ADAMTS19: variants seen among roughly 807,000 people sequenced by gnomAD.
ADAMTS19 encodes ADAM metallopeptidase with thrombospondin type 1 motif 19, also known as A disintegrin and metalloproteinase with thrombospondin motifs 19.
In ADAMTS19, 93 loss-of-function variants were observed where a neutral mutation model predicts 153.3. The observed-to-expected ratio is 0.61, with a 90% CI of 0.51 to 0.72. ADAMTS19 has a LOEUF of 0.72. Among genes scored for constraint, ADAMTS19 ranks in the 30% least tolerant of loss-of-function variants. The probability of loss-of-function intolerance (pLI) is 0.00; values close to 1 mark genes in which losing one functional copy is unlikely to be tolerated. For missense variants in ADAMTS19, 1,482 were observed against 1,552.1 expected (o/e 0.95, Z 0.76); for synonymous variants, 600 against 556.6 (o/e 1.08, Z -1.10).
intron 18 of ADAMTS19, among the ~76,000 whole-genome samples, chr5:129,691,905 TG>T (rs903067187): frequency 6.6e-6 from 1 of 152,096 alleles, no homozygotes; most frequent in African/African-American, 2.4e-5. Context: ...TTTCTGAGGA[TG>T]GGGAAAAAAG....
chr5:129,507,998 T>C (rs1298347512), intron 2 of ADAMTS19, among the ~76,000 whole-genome samples: 1 of 151,980 alleles, frequency 6.6e-6, no homozygotes, highest in Non-Finnish European at 1.5e-5. Flanking sequence ...CTGCTATACT[T>C]CCAAAGAAAA....
intron 6 of ADAMTS19, among the ~76,000 whole-genome samples, chr5:129,543,811 C>A (rs1752750598): frequency 6.6e-6 from 1 of 152,152 alleles, no homozygotes; most frequent in South Asian, 2.1e-4. Context: ...AATACATCTT[C>A]CACTGATACT....
chr5:129,676,873 C>T (rs1754573960), intron 16 of ADAMTS19, among the ~76,000 whole-genome samples: 1 of 152,036 alleles, frequency 6.6e-6, no homozygotes, highest in Admixed American at 6.6e-5. Flanking sequence ...GTCAAAAATA[C>T]CAATTGAATC....
Position 129,704,294 on chromosome 5 carries a change from C to T in ADAMTS19, c.3215C>T (p.Pro1072Leu). The T allele has an allele frequency of 6.2e-7, 1 of 1,614,048 alleles. No individual in the cohort carries two copies. Among genetic ancestry groups the T allele is most frequent in the Non-Finnish European group, 8.5e-7 (1 of 1,179,968 alleles). The stretch of plus-strand genomic sequence containing the variant: ...CATCGGACCGTTAGATGTACCAACC[C>T]AAGAAAGAAGTGTGTCCTCTCTACC... ...IRHRTVRCTNPRKKCVLSTRP... is the reference protein window; with the variant it reads ...IRHRTVRCTNLRKKCVLSTRP... The change falls in exon 21 of 23, where the codon CCA becomes CTA. Residue 1072 changes from proline (P) to leucine (L), a missense_variant. Pro to Leu is a moderately conservative substitution (Grantham distance 98). Around this residue, in one of 2 missense-constraint regions of ADAMTS19, gnomAD observed 616 missense variants for 724.4 expected, o/e 0.85. Coordinates refer to ENST00000274487, the MANE Select transcript of ADAMTS19 (RefSeq NM_133638.6).
At chr5:129,726,306 A>G (rs1410790377) in intron 21 of ADAMTS19, among the ~76,000 whole-genome samples, 1 of 152,166 alleles carries the variant, frequency 6.6e-6, no homozygotes, top group African/African-American at 2.4e-5. Context: ...CTCTTTTTAA[A>G]ATACTCTAGT....
chr5:129,572,107 G>T (rs1753932561), intron 7 of ADAMTS19, among the ~76,000 whole-genome samples: 1 of 151,784 alleles, frequency 6.6e-6, no homozygotes, highest in Non-Finnish European at 1.5e-5. Flanking sequence ...GACACCAAAA[G>T]CTTGGTCCAT....
intron 7 of ADAMTS19, among the ~76,000 whole-genome samples, chr5:129,591,482 GGA>G (rs1347443585): frequency 6.6e-6 from 1 of 151,614 alleles, no homozygotes; most frequent in African/African-American, 2.4e-5. Context: ...TAGTAGAGAT[GGA>G]GTTTCACCAT....
At chr5:129,655,349 T>C (rs1753500066) in intron 14 of ADAMTS19, among the ~76,000 whole-genome samples, 1 of 152,170 alleles carries the variant, frequency 6.6e-6, no homozygotes, top group South Asian at 2.1e-4. Context: ...GGCTACAACC[T>C]TGGGGAAAGC....
intron 2 of ADAMTS19, among the ~76,000 whole-genome samples, chr5:129,486,302 T>C (rs551961969): frequency 6.6e-6 from 1 of 152,280 alleles, no homozygotes; most frequent in Admixed American, 6.5e-5. Context: ...ATCTACATTA[T>C]AATTCTACAT....
rs56060749 is a variant in ADAMTS19, at chr5:129,602,826, C to CTGTGTGTGTGTG, written c.1478+6182_1478+6193dup. ...TTTTTGTATTGTTGTCTTATATTCT[C>CTGTGTGTGTGTG]TGTGTGTGTGTGTGTGTGTGTGTGT... is the stretch of plus-strand genomic sequence containing the variant. On this transcript the variant is annotated intron_variant, in intron 8 of 22. Coordinates refer to ENST00000274487, the MANE Select transcript of ADAMTS19 (RefSeq NM_133638.6). 7.7e-3 allele frequency among the ~76,000 whole-genome samples: 1,136 copies of CTGTGTGTGTGTG among 146,688 alleles called. 10 individuals carry two copies. Among genetic ancestry groups the CTGTGTGTGTGTG allele is most frequent in the African/African-American group, 0.023 (903 of 39,982 alleles).
intron 8 of ADAMTS19, among the ~76,000 whole-genome samples, chr5:129,618,839 C>T (rs1751647826): frequency 6.6e-6 from 1 of 151,964 alleles, no homozygotes; most frequent in Non-Finnish European, 1.5e-5. Flanking sequence ...AGTACTAACC[C>T]TCATCCACAA....
intron 3 of ADAMTS19, 49 bp from the exon 4 acceptor site, chr5:129,526,235 C>A (rs778933116): frequency 9.7e-6 from 14 of 1,447,460 alleles, no homozygotes; most frequent in Non-Finnish European, 1.2e-5. Context: ...TAATATTATT[C>A]ACTTTGCCAA....
At chr5:129,735,176 T>C (rs1757613222) in intron 22 of ADAMTS19, 67 bp downstream of exon 22, 20 of 1,392,160 alleles carry the variant, frequency 1.4e-5, no homozygotes, top group Non-Finnish European at 1.9e-5. Context: ...TTGTATTTTG[T>C]ATATTACTTT....
intron 16 of ADAMTS19, among the ~76,000 whole-genome samples, chr5:129,665,925 C>CAT (rs1423435319): frequency 2.0e-5 from 3 of 147,500 alleles, no homozygotes; most frequent in Admixed American, 6.8e-5. Context: ...ATTTATTTCA[C>CAT]ATATATACAT....
At chr5:129,591,766 G>T (rs143961139) in intron 7 of ADAMTS19, among the ~76,000 whole-genome samples, 52 of 152,280 alleles carry the variant, frequency 3.4e-4, no homozygotes, top group Non-Finnish European at 5.4e-4. Flanking sequence ...TGTACCAAGA[G>T]TGCCTGGATT....
At chr5:129,648,713 A>T in intron 12 of ADAMTS19, 85 bp from the exon 13 acceptor site, 1 of 1,077,624 alleles carries the variant, frequency 9.3e-7, no homozygotes, top group Non-Finnish European at 1.3e-6. Flanking sequence ...GGGGTTATAT[A>T]TTATTAATAT....
chr5:129,668,882 A>AT (rs772639778), intron 16 of ADAMTS19, among the ~76,000 whole-genome samples: 101 of 152,284 alleles, frequency 6.6e-4, no homozygotes, highest in Non-Finnish European at 1.2e-3. Flanking sequence ...ACAAAAAACC[A>AT]TTTTAAAATT....
At chr5:129,608,028 T>G (rs550847161) in intron 8 of ADAMTS19, among the ~76,000 whole-genome samples, 98 of 146,678 alleles carry the variant, frequency 6.7e-4, no homozygotes, top group African/African-American at 2.3e-3. Context: ...TATATATGTA[T>G]TACTATATAT....
chr5:129,481,897 C>T (rs1305024501), intron 2 of ADAMTS19, among the ~76,000 whole-genome samples: 2 of 152,054 alleles, frequency 1.3e-5, no homozygotes, highest in African/African-American at 2.4e-5. Context: ...TTGAAGCCCA[C>T]GAGTGTCTAA....
Sources: gnomAD v4.1 joint callset for allele counts (sites outside exome capture counted in the v4.1 genomes callset) on GRCh38, gnomAD v4.1.1 for gene constraint, gnomAD v4.1.1 regional missense constraint, MANE v1.5 for transcripts, NCBI Gene and HGNC (gene_info 2026-07-23, HGNC 2026-07-21) for gene names.